The following FARS2 variants were observed in gnomAD, a reference collection of about 807,000 sequenced individuals.
FARS2 encodes the protein phenylalanine--tRNA ligase, mitochondrial.
Under a neutral mutation model 46.4 loss-of-function variants are expected in FARS2, and 40 were observed. The observed-to-expected ratio is 0.86, with a 90% CI of 0.67 to 1.12. The LOEUF (loss-of-function observed/expected upper bound fraction) is 1.12, where lower values mean the gene tolerates loss of function less well. Ranked by LOEUF, FARS2 falls within the 50% of genes most tolerant of loss-of-function variation. The pLI, the probability that FARS2 is intolerant of heterozygous loss-of-function variation, is 0.00. For missense variants in FARS2, 513 were observed against 567.9 expected, an observed-to-expected ratio of 0.90 and a Z score of 0.98; for synonymous variants, 234 against 214.9, an observed-to-expected ratio of 1.09 and a Z score of -0.78.
chr6:5,738,827 A>G (rs533379033), intron 6 of FARS2, among the ~76,000 whole-genome samples: 1 of 152,172 alleles, frequency 6.6e-6, no homozygotes, highest in African/African-American at 2.4e-5. Context: ...TTAACCAAAG[A>G]GTTGCGTGTG....
At chr6:5,734,915 T>C (rs916856634) in intron 6 of FARS2, among the ~76,000 whole-genome samples, 1 of 152,236 alleles carries the variant, frequency 6.6e-6, no homozygotes, top group Non-Finnish European at 1.5e-5. Context: ...TGTAGTACAC[T>C]GTATCTAGCT....
chr6:5,424,964 CT>C (rs1330808754), intron 3 of FARS2, among the ~76,000 whole-genome samples: 1 of 152,180 alleles, frequency 6.6e-6, no homozygotes, highest in East Asian at 1.9e-4. Flanking sequence ...GATCCCAGCT[CT>C]TTAAGAATTT....
At chr6:5,711,648 T>C (rs1759179270) in intron 6 of FARS2, among the ~76,000 whole-genome samples, 2 of 151,926 alleles carry the variant, frequency 1.3e-5, no homozygotes, top group Admixed American at 1.3e-4. Context: ...GGGGAAAAAA[T>C]AAGACACATG....
chr6:5,573,395 GACAC>G (rs137921539), intron 5 of FARS2, among the ~76,000 whole-genome samples: 364 of 151,368 alleles, frequency 2.4e-3, no homozygotes, highest in Middle Eastern at 3.4e-3. Context: ...TTCTTTTATT[GACAC>G]ACACACACAC....
At chr6:5,437,558 T>C (rs750453004) in intron 4 of FARS2, among the ~76,000 whole-genome samples, 2 of 152,218 alleles carry the variant, frequency 1.3e-5, no homozygotes, top group Non-Finnish European at 2.9e-5. Flanking sequence ...ATAGTAGTTA[T>C]GTTTTCACGA....
chr6:5,298,495 A>T (rs916536140), intron 1 of FARS2, among the ~76,000 whole-genome samples: 17 of 152,114 alleles, frequency 1.1e-4, no homozygotes, highest in Non-Finnish European at 2.1e-4. Flanking sequence ...GCAAAGAGGA[A>T]CTCTGATTTG....
chr6:5,492,808 A>G (rs1165199357), intron 4 of FARS2, among the ~76,000 whole-genome samples: 1 of 152,042 alleles, frequency 6.6e-6, no homozygotes, highest in East Asian at 1.9e-4. Context: ...TTTCCCTGCA[A>G]TCTTTTGTTT....
At chr6:5,383,983 GGAA>G (rs1267960871) in intron 2 of FARS2, among the ~76,000 whole-genome samples, 2 of 152,112 alleles carry the variant, frequency 1.3e-5, no homozygotes, top group South Asian at 2.1e-4. Flanking sequence ...TCATGGCCCA[GGAA>G]GAAGATGTTG....
intron 2 of FARS2, among the ~76,000 whole-genome samples, chr6:5,399,174 T>C (rs56201523): frequency 0.15 from 10,260 of 67,222 alleles, 1,245 homozygotes; most frequent in African/African-American, 0.36. Context: ...TTATTATTAT[T>C]ATCATCATCA....
At chr6:5,566,153 A>T (rs959728673) in intron 5 of FARS2, among the ~76,000 whole-genome samples, 2 of 152,198 alleles carry the variant, frequency 1.3e-5, no homozygotes, top group African/African-American at 4.8e-5. Context: ...TGTACCATGC[A>T]TGTCATTACA....
intron 2 of FARS2, among the ~76,000 whole-genome samples, chr6:5,398,089 A>G (rs1761015699): frequency 6.6e-6 from 1 of 152,100 alleles, no homozygotes; most frequent in Non-Finnish European, 1.5e-5. Flanking sequence ...ATCCATTAGG[A>G]TTCTCCGCCA....
Position 5,693,469 on chromosome 6 carries a change from G to A in FARS2, c.1218-77822G>A, listed in dbSNP as rs550765987. Among the ~76,000 whole-genome samples the A allele has an allele frequency of 1.3e-4, 20 of 152,274 alleles. 1 individual carries two copies. Among genetic ancestry groups the A allele is most frequent in the African/African-American group, 4.3e-4 (18 of 41,558 alleles). ...TATTAATGGGCAAGGCGGCTAATGCGTTTGCATTGTTCTGCAGAAGTTTTG... is the reference window on the plus strand; with the variant it reads ...TATTAATGGGCAAGGCGGCTAATGCATTTGCATTGTTCTGCAGAAGTTTTG... On this transcript the variant is annotated intron_variant, in intron 6 of 6. Transcript: ENST00000274680.
intron 6 of FARS2, among the ~76,000 whole-genome samples, chr6:5,689,708 A>G (rs528164361): frequency 4.0e-4 from 61 of 152,134 alleles, no homozygotes; most frequent in Non-Finnish European, 7.6e-4. Flanking sequence ...GTAGATGTCT[A>G]TTAGGTCCGC....
intron 4 of FARS2, among the ~76,000 whole-genome samples, chr6:5,480,687 T>C (rs898889307): frequency 6.6e-6 from 1 of 152,218 alleles, no homozygotes; most frequent in African/African-American, 2.4e-5. Flanking sequence ...TTCTTGCCTC[T>C]CTGCCACTCT....
At chr6:5,649,230 A>G (rs1777223857) in intron 6 of FARS2, among the ~76,000 whole-genome samples, 1 of 152,226 alleles carries the variant, frequency 6.6e-6, no homozygotes. Context: ...TCTCTCTTCC[A>G]TGCTGTACAT....
chr6:5,258,180 T>A (rs1174545312), upstream of FARS2, among the ~76,000 whole-genome samples: 1 of 152,216 alleles, frequency 6.6e-6, no homozygotes, highest in Non-Finnish European at 1.5e-5. Flanking sequence ...AGGCTGAGAC[T>A]GGAGGAGCAG....
rs138462124 is a variant in FARS2 at position 5,701,549 on chromosome 6, C to T, written c.1218-69742C>T. ...AGGCGCAGAATAGATTGTACTGAAA[C>T]GTCAGAAGCCAGATACCAGGTTCTC... is the stretch of plus-strand genomic sequence containing the variant. On this transcript the variant is annotated intron_variant, in intron 6 of 6. Transcript: ENST00000274680. 1.9e-3 allele frequency among the ~76,000 whole-genome samples: 296 copies of T among 152,286 alleles called. 1 individual carries two copies. Among genetic ancestry groups the T allele is most frequent in the African/African-American group, 6.8e-3 (284 of 41,588 alleles).
intron 6 of FARS2, among the ~76,000 whole-genome samples, chr6:5,633,548 G>A (rs532631859): frequency 1.3e-5 from 2 of 152,166 alleles, no homozygotes; most frequent in East Asian, 1.9e-4. Context: ...GATTACAGGC[G>A]TGAGCCACCA....
chr6:5,370,149 A>G (rs1380225367), intron 2 of FARS2, among the ~76,000 whole-genome samples: 1 of 152,230 alleles, frequency 6.6e-6, no homozygotes, highest in Non-Finnish European at 1.5e-5. Flanking sequence ...TATGAAAACA[A>G]ATAGTATAGC....
Sources: allele counts gnomAD v4.1 joint callset (sites outside exome capture counted in the v4.1 genomes callset), GRCh38; gene constraint gnomAD v4.1.1; transcripts MANE v1.5; gene names NCBI Gene and HGNC (gene_info 2026-07-23, HGNC 2026-07-21).